RPN1: variants seen among roughly 807,000 people sequenced by gnomAD.
The protein encoded by RPN1 is dolichyl-diphosphooligosaccharide--protein glycosyltransferase subunit 1.
In RPN1, 12 loss-of-function variants were observed where a neutral mutation model predicts 55.5. The ratio of observed to expected loss-of-function variants is 0.22; its 90% confidence interval spans 0.14 to 0.35. The LOEUF (loss-of-function observed/expected upper bound fraction) is 0.35, where lower values mean the gene tolerates loss of function less well. Ranked by LOEUF, RPN1 falls within the 10% of genes least tolerant of loss-of-function variation. The probability of loss-of-function intolerance (pLI) is 1.00; values close to 1 mark genes in which losing one functional copy is unlikely to be tolerated. For synonymous variants in RPN1, 317 were observed against 305.9 expected (o/e 1.04, Z -0.38); for missense variants, 679 against 761.3 (o/e 0.89, Z 1.27).
At chr3:128,622,514 T>C in intron 8 of RPN1, 105 bp from the exon 9 acceptor site, 1 of 1,423,278 alleles carries the variant, frequency 7.0e-7, no homozygotes, top group Non-Finnish European at 9.7e-7. Flanking sequence ...AAAAATGAAA[T>C]GCCACCTTCT....
At chr3:128,623,550 A>ATT (rs11385470) in intron 8 of RPN1, among the ~76,000 whole-genome samples, 1 of 151,418 alleles carries the variant, frequency 6.6e-6, no homozygotes, top group Non-Finnish European at 1.5e-5. Flanking sequence ...GAAAAAAAAC[A>ATT]TTTTTTTAAT....
chr3:128,645,079 C>A (rs970227498), intron 1 of RPN1, 96 bp from the exon 2 acceptor site: 4 of 721,508 alleles, frequency 5.5e-6, no homozygotes, highest in Non-Finnish European at 9.9e-6. Flanking sequence ...CCCATTAAAG[C>A]AGTCAAACTA....
chr3:128,635,578 G>A (rs562458953), intron 3 of RPN1, among the ~76,000 whole-genome samples: 1 of 149,276 alleles, frequency 6.7e-6, no homozygotes, highest in East Asian at 2.0e-4. Flanking sequence ...TGGGATTACA[G>A]GCGTGAGCCA....
Position 128,644,950 on chromosome 3 carries a change from C to T in RPN1, c.295G>A (p.Glu99Lys). 6.3e-7 allele frequency: 1 copy of T among 1,578,818 alleles called. No individual in the cohort carries two copies. The highest frequency in any genetic ancestry group is 1.1e-5 in the South Asian group (1 of 90,290). ...CCCTTAATTTTGGTTTCACGTACTT[C>T]CAAATTGTTCTCTTCCTCATCTTCT... ...KGEDEEENNL[E>K]VRETKIKGKS... Residue 99 changes from glutamate to lysine, a missense_variant, in exon 2 of 10, where the codon GAA (glutamate) becomes AAA (lysine). By Grantham distance (56) the Glu-to-Lys change is moderately conservative. Coordinates refer to ENST00000296255, the MANE Select transcript of RPN1 (RefSeq NM_002950.4).
intron 3 of RPN1, among the ~76,000 whole-genome samples, chr3:128,633,367 C>T (rs1206326652): frequency 6.6e-6 from 1 of 151,864 alleles, no homozygotes; most frequent in African/African-American, 2.4e-5. Flanking sequence ...GCTGGGATTC[C>T]AGGTGCATGC....
chr3:128,641,428 G>C (rs903100850), intron 2 of RPN1, among the ~76,000 whole-genome samples: 6 of 152,130 alleles, frequency 3.9e-5, no homozygotes, highest in Middle Eastern at 3.4e-3. Context: ...CTCTGAGCAA[G>C]AGCCACTCTG....
At chr3:128,639,779 G>C (rs1363506057) in intron 2 of RPN1, among the ~76,000 whole-genome samples, 1 of 151,746 alleles carries the variant, frequency 6.6e-6, no homozygotes, top group African/African-American at 2.4e-5. Context: ...GTACAGAGGG[G>C]ATTTCGCCAC....
intron 2 of RPN1, 139 bp downstream of exon 2, chr3:128,644,780 T>C (rs2069754244): frequency 1.5e-6 from 1 of 649,804 alleles, no homozygotes; most frequent in Non-Finnish European, 2.8e-6. Flanking sequence ...GCAACATAGC[T>C]AGACCTCCTC....
At chr3:128,646,325 T>A (rs1260197381) in intron 1 of RPN1, among the ~76,000 whole-genome samples, 2 of 151,222 alleles carry the variant, frequency 1.3e-5, no homozygotes, top group East Asian at 3.9e-4. Context: ...GCTCAAGCGA[T>A]CCTCCCACAG....
At chr3:128,635,616 T>TATATATATATATATATAG (rs1559755768) in intron 3 of RPN1, among the ~76,000 whole-genome samples, 1 of 5,830 alleles carries the variant, frequency 1.7e-4, no homozygotes, top group East Asian at 6.9e-3. Flanking sequence ...ACTTGAGATA[T>TATATATATATATATATAG]ATATATATAT....
chr3:128,650,501 G>A (rs1270066900), intron 1 of RPN1, 39 bp downstream of exon 1: 4 of 1,500,392 alleles, frequency 2.7e-6, no homozygotes, highest in Admixed American at 2.1e-5. Flanking sequence ...GAGGCGGGAA[G>A]GGTCCCGGGA....
chr3:128,624,164 A>C (rs1214741453), intron 8 of RPN1, among the ~76,000 whole-genome samples: 1 of 152,156 alleles, frequency 6.6e-6, no homozygotes, highest in Middle Eastern at 3.2e-3. Flanking sequence ...CACTGTATTG[A>C]GTACTGTATT....
intron 8 of RPN1, among the ~76,000 whole-genome samples, chr3:128,623,303 G>A (rs1257842888): frequency 6.6e-6 from 1 of 152,128 alleles, no homozygotes; most frequent in Non-Finnish European, 1.5e-5. Flanking sequence ...GTAGAAGGCC[G>A]AGGCAGGCAG....
chr3:128,626,770 A>G lies in RPN1; in HGVS notation c.1099T>C (p.Ser367Pro), dbSNP rs769295051. ...GGCAGGATGATCTTCACAGTCAGAG[A>G]ATCTATCACTTGTTCATCAAACACA... ...DHVFDEQVID[S>P]LTVKIILPEG... The change falls in exon 6 of 10, where the codon TCT becomes CCT. Residue 367 changes from serine (S) to proline (P), a missense_variant. By Grantham distance (74) the Ser-to-Pro change is moderately conservative (BLOSUM62 -1). Around this residue, in one of 3 missense-constraint regions of RPN1, gnomAD observed 306 missense variants for 360.0 expected, o/e 0.85. Coordinates refer to ENST00000296255, the MANE Select transcript of RPN1 (RefSeq NM_002950.4). 1 of 1,614,182 alleles carries G rather than the reference A, an allele frequency of 6.2e-7. No individual in the cohort carries two copies. The highest frequency in any genetic ancestry group is 1.1e-5 in the South Asian group (1 of 91,076).
chr3:128,626,565 C>G (rs1252091269), intron 6 of RPN1, among the ~76,000 whole-genome samples, 168 bp downstream of exon 6: 4 of 152,148 alleles, frequency 2.6e-5, no homozygotes, highest in Admixed American at 6.6e-5. Context: ...TTCTGGCAGT[C>G]AGAGTGGACA....
intron 5 of RPN1, 56 bp from the exon 6 acceptor site, chr3:128,626,888 A>G: frequency 6.7e-7 from 1 of 1,489,876 alleles, no homozygotes; most frequent in South Asian, 1.1e-5. Context: ...AATGGGCAGG[A>G]GAGAAAGAAG....
At chr3:128,635,681 C>A (rs79882986) in intron 3 of RPN1, among the ~76,000 whole-genome samples, 43,175 of 111,020 alleles carry the variant, frequency 0.39, 7,221 homozygotes, top group Middle Eastern at 0.43. Context: ...CTATAGATAT[C>A]TATAGATATA....
At chr3:128,630,771 C>A (rs2069635196) in intron 4 of RPN1, among the ~76,000 whole-genome samples, 1 of 152,158 alleles carries the variant, frequency 6.6e-6, no homozygotes, top group Non-Finnish European at 1.5e-5. Flanking sequence ...TTGGGTGGCG[C>A]AGTACTATGA....
At chr3:128,624,069 C>T (rs1156982635) in intron 8 of RPN1, among the ~76,000 whole-genome samples, 1 of 152,072 alleles carries the variant, frequency 6.6e-6, no homozygotes, top group African/African-American at 2.4e-5. Flanking sequence ...ACTATCTGCA[C>T]ATACTCAAGT....
Sources: allele counts gnomAD v4.1 joint callset (sites outside exome capture counted in the v4.1 genomes callset), GRCh38; gene constraint gnomAD v4.1.1; regional missense constraint gnomAD v4.1.1; transcripts MANE v1.5; gene names NCBI Gene and HGNC (gene_info 2026-07-23, HGNC 2026-07-21).